Variants in TSHZ2 observed in about 807,000 individuals in gnomAD.
The protein encoded by TSHZ2 is teashirt homolog 2.
In TSHZ2, 21 loss-of-function variants were observed where a neutral mutation model predicts 74.4. That is an observed-to-expected ratio of 0.28 (90% CI 0.20 to 0.41). The LOEUF is 0.41. Ranked by LOEUF, TSHZ2 falls within the 10% of genes least tolerant of loss-of-function variation. The pLI is 1.00. For synonymous variants in TSHZ2, 540 were observed against 515.3 expected (o/e 1.05, Z -0.65); for missense variants, 1,244 against 1,293.5 (o/e 0.96, Z 0.59).
chr20:53,035,202 T>C (rs980892626), intron 1 of TSHZ2, among the ~76,000 whole-genome samples: 8 of 152,266 alleles, frequency 5.3e-5, no homozygotes, highest in African/African-American at 1.9e-4. Flanking sequence ...TGGTTGCTTC[T>C]CCACTCTCCT....
At position 53,363,133 on chromosome 20, in the gene TSHZ2, G is replaced by A. The variant is rs1051712335; in HGVS notation, c.*8+106562G>A. On this transcript the variant is annotated intron_variant, in intron 2 of 2. Coordinates refer to ENST00000371497, the MANE Select transcript of TSHZ2 (RefSeq NM_173485.6). Reference sequence around the variant, plus strand: ...CCGAGGCATGTGCTGCACGTCTCCCGGAGGTCCCCAGTGGGAATGAGCCTC... The same window carrying A: ...CCGAGGCATGTGCTGCACGTCTCCCAGAGGTCCCCAGTGGGAATGAGCCTC... Among the ~76,000 whole-genome samples the A allele has an allele frequency of 5.3e-5, 8 of 152,242 alleles. 1 individual carries two copies. The highest frequency in any genetic ancestry group is 2.0e-4 in the Admixed American group (3 of 15,278).
At chr20:53,128,633 T>A (rs957917979) in intron 1 of TSHZ2, among the ~76,000 whole-genome samples, 2 of 151,894 alleles carry the variant, frequency 1.3e-5, no homozygotes, top group Admixed American at 1.3e-4. Flanking sequence ...AGGAGCACTT[T>A]TTTTTTTAGA....
At chr20:53,444,948 G>A (rs1054075555) in intron 2 of TSHZ2, among the ~76,000 whole-genome samples, 4 of 152,144 alleles carry the variant, frequency 2.6e-5, no homozygotes, top group South Asian at 2.1e-4. Flanking sequence ...TGCATGTAAC[G>A]AACATGTCTG....
At chr20:53,450,929 CT>C (rs1301489678) in intron 2 of TSHZ2, among the ~76,000 whole-genome samples, 13 of 151,952 alleles carry the variant, frequency 8.6e-5, no homozygotes, top group Non-Finnish European at 1.8e-4. Context: ...ACAGTGTCCA[CT>C]TTTCTCTACT....
At chr20:53,093,222 T>G (rs1985937941) in intron 1 of TSHZ2, among the ~76,000 whole-genome samples, 1 of 152,162 alleles carries the variant, frequency 6.6e-6, no homozygotes, top group Non-Finnish European at 1.5e-5. Context: ...GAATGCTCAG[T>G]GATGAACACA....
chr20:53,031,122 C>T (rs1983618849), intron 1 of TSHZ2, among the ~76,000 whole-genome samples: 1 of 152,044 alleles, frequency 6.6e-6, no homozygotes, highest in South Asian at 2.1e-4. Flanking sequence ...AGTAGAATTG[C>T]CAAAATTATG....
intron 1 of TSHZ2, among the ~76,000 whole-genome samples, chr20:53,125,264 C>T (rs1215284698): frequency 1.3e-5 from 2 of 152,010 alleles, no homozygotes; most frequent in African/African-American, 2.4e-5. Flanking sequence ...TGTGAAAGGC[C>T]GTAGAGGAGA....
chr20:53,092,940 G>T (rs568104871), intron 1 of TSHZ2, among the ~76,000 whole-genome samples: 1 of 152,172 alleles, frequency 6.6e-6, no homozygotes, highest in African/African-American at 2.4e-5. Flanking sequence ...TAAACAAATG[G>T]CCAGGATTGT....
intron 1 of TSHZ2, among the ~76,000 whole-genome samples, chr20:53,224,999 A>G (rs1247287878): frequency 6.6e-6 from 1 of 152,238 alleles, no homozygotes; most frequent in Non-Finnish European, 1.5e-5. Flanking sequence ...GCCCAAGAGT[A>G]AATATTTTTG....
intron 2 of TSHZ2, among the ~76,000 whole-genome samples, chr20:53,422,686 G>A (rs909359648): frequency 1.3e-5 from 2 of 152,116 alleles, no homozygotes; most frequent in Non-Finnish European, 2.9e-5. Context: ...CTTTTCAAAG[G>A]CTGGGCTTTT....
intron 1 of TSHZ2, among the ~76,000 whole-genome samples, chr20:52,990,893 C>A (rs1981960035): frequency 6.6e-6 from 1 of 152,090 alleles, no homozygotes; most frequent in Non-Finnish European, 1.5e-5. Context: ...GGGTCTATTA[C>A]CTCTGCGTAT....
At chr20:52,973,390 C>G (rs1405171621) in intron 1 of TSHZ2, 57 bp downstream of exon 1, 1 of 1,545,128 alleles carries the variant, frequency 6.5e-7, no homozygotes, top group African/African-American at 1.4e-5. Context: ...CTCGCCCGCC[C>G]TCCTTGCCCC....
chr20:53,374,303 G>T (rs1265812522), intron 2 of TSHZ2, among the ~76,000 whole-genome samples: 1 of 151,842 alleles, frequency 6.6e-6, no homozygotes, highest in Non-Finnish European at 1.5e-5. Context: ...CATCCATATT[G>T]CTGCAAAAGA....
At chr20:53,369,656 G>T (rs750159419) in intron 2 of TSHZ2, among the ~76,000 whole-genome samples, 33 of 152,120 alleles carry the variant, frequency 2.2e-4, no homozygotes, top group Middle Eastern at 3.4e-3. Context: ...GTTTGCAGTG[G>T]GCGGAGATGG....
intron 1 of TSHZ2, among the ~76,000 whole-genome samples, chr20:53,193,761 G>A (rs1399157604): frequency 3.3e-5 from 5 of 152,180 alleles, no homozygotes; most frequent in East Asian, 3.9e-4. Flanking sequence ...ACTGCCATCC[G>A]CTGTAGGAAA....
chr20:53,082,875 A>G (rs1421703789), intron 1 of TSHZ2, among the ~76,000 whole-genome samples: 2 of 152,248 alleles, frequency 1.3e-5, no homozygotes, highest in Non-Finnish European at 2.9e-5. Context: ...TAAATGTTGT[A>G]CTGGATAGTT....
chr20:53,080,995 C>T (rs1393771391), intron 1 of TSHZ2, among the ~76,000 whole-genome samples: 1 of 152,086 alleles, frequency 6.6e-6, no homozygotes, highest in Non-Finnish European at 1.5e-5. Context: ...ATAATGCTGT[C>T]GGTTCTGCTA....
intron 1 of TSHZ2, among the ~76,000 whole-genome samples, chr20:53,127,631 G>C (rs1986984511): frequency 6.6e-6 from 1 of 152,220 alleles, no homozygotes; most frequent in African/African-American, 2.4e-5. Flanking sequence ...ACCAACCATG[G>C]AAAGATCAGT....
chr20:53,489,398 T>C lies in TSHZ2; in HGVS notation c.*2263T>C, dbSNP rs1986386389. On this transcript the variant is annotated 3_prime_UTR_variant, in exon 3 of 3. Transcript: ENST00000371497. ...ACCGTCCTTCAACAAGGAAATTCTA[T>C]TAAAGGAAAATCAATGCATTAGTAT... 3 of 343,228 alleles carry C rather than the reference T, an allele frequency of 8.7e-6. No individual in the cohort carries two copies. Among genetic ancestry groups the C allele is most frequent in the Admixed American group, 7.8e-5 (2 of 25,578 alleles). 21.3% of individuals were successfully genotyped at this position (343,228 alleles called of 1,614,324 possible). A position where few individuals can be genotyped will look rare whatever the true frequency, so the allele number is the denominator to read the frequency against.
Sources: allele counts gnomAD v4.1 joint callset (sites outside exome capture counted in the v4.1 genomes callset), GRCh38; gene constraint gnomAD v4.1.1; transcripts MANE v1.5; gene names NCBI Gene and HGNC (gene_info 2026-07-23, HGNC 2026-07-21).